PRPH2: variants seen among roughly 807,000 people sequenced by gnomAD.
The protein encoded by PRPH2 is peripherin 2, also known as peripherin-2.
A neutral mutation model predicts 31.3 loss-of-function variants in PRPH2; 17 were observed. That is an observed-to-expected ratio of 0.54 (90% CI 0.37 to 0.81). PRPH2 has a LOEUF of 0.81. Ranked by LOEUF, PRPH2 falls within the 40% of genes least tolerant of loss-of-function variation. PRPH2 has a pLI of 0.00. For missense variants in PRPH2, 430 were observed against 439.7 expected (o/e 0.98, Z 0.20); for synonymous variants, 165 against 184.4 (o/e 0.89, Z 0.85).
intron 1 of PRPH2, among the ~76,000 whole-genome samples, 160 bp from the exon 2 acceptor site, chr6:42,704,771 G>T (rs758099033): frequency 6.6e-6 from 1 of 152,198 alleles, no homozygotes; most frequent in Non-Finnish European, 1.5e-5. Context: ...TGTTCTAGGC[G>T]CTGAAGACAA....
chr6:42,711,254 A>T (rs1057032318), intron 1 of PRPH2, among the ~76,000 whole-genome samples: 2 of 152,162 alleles, frequency 1.3e-5, no homozygotes, highest in African/African-American at 4.8e-5. Context: ...GGGCCCCTCC[A>T]CCTTGGACTT....
In PRPH2 at chr6:42,722,466, G is replaced by A; in HGVS notation, c.-132C>T. 1 of 1,528,102 alleles carries A rather than the reference G, an allele frequency of 6.5e-7. No individual in the cohort carries two copies. Among genetic ancestry groups the A allele is most frequent in the South Asian group, 1.2e-5 (1 of 83,000 alleles). 94.7% of individuals were successfully genotyped at this position (1,528,102 alleles called of 1,614,324 possible). A position where few individuals can be genotyped will look rare whatever the true frequency, so the allele number is the denominator to read the frequency against. On this transcript the variant is annotated 5_prime_UTR_variant, in exon 1 of 3. Coordinates refer to ENST00000230381, the MANE Select transcript of PRPH2 (RefSeq NM_000322.5). The surrounding 1 kb of genome is among the most constrained non-coding windows in gnomAD (Gnocchi z 4.4). ...CAAGCTGTAGGGAGCTGCCCTGGGG[G>A]CTACCCATGTCGAGTCCCACTAGCC... is the stretch of plus-strand genomic sequence containing the variant.
chr6:42,714,764 C>A (rs971795720), intron 1 of PRPH2, among the ~76,000 whole-genome samples: 1 of 152,114 alleles, frequency 6.6e-6, no homozygotes, highest in African/African-American at 2.4e-5. Context: ...GTGATCCATC[C>A]ACTTCAACCT....
chr6:42,709,315 G>A lies in PRPH2; in HGVS notation c.582-4704C>T, dbSNP rs112246402. Among the ~76,000 whole-genome samples the A allele has an allele frequency of 9.8e-3, 1,337 of 135,854 alleles. 19 individuals are homozygous for A. Among genetic ancestry groups the A allele is most frequent in the African/African-American group, 0.037 (1,269 of 34,552 alleles). 89.1% of individuals were successfully genotyped at this position (135,854 alleles called of 152,430 possible). ...ATTGCACTCCAGCCTGGGCAACAGA[G>A]TGAGACTCTGTCTCAAATTAAAAAA... On this transcript the variant is annotated intron_variant, in intron 1 of 2. Coordinates refer to ENST00000230381, the MANE Select transcript of PRPH2 (RefSeq NM_000322.5).
At chr6:42,711,725 T>C (rs1394554141) in intron 1 of PRPH2, 1 of 977,720 alleles carries the variant, frequency 1.0e-6, no homozygotes, top group Non-Finnish European at 1.2e-6. Context: ...CCTTGAGATG[T>C]CTACGAATTG....
At chr6:42,720,231 C>T (rs139893116) in intron 1 of PRPH2, among the ~76,000 whole-genome samples, 89 of 152,126 alleles carry the variant, frequency 5.9e-4, no homozygotes, top group Admixed American at 1.6e-3. Context: ...TTGGAGTTAC[C>T]GAGAGATTTG....
At chr6:42,712,620 T>C (rs1761688865) in intron 1 of PRPH2, among the ~76,000 whole-genome samples, 1 of 152,092 alleles carries the variant, frequency 6.6e-6, no homozygotes, top group African/African-American at 2.4e-5. Flanking sequence ...TTTCACCATG[T>C]TGGCCAGGCT....
intron 2 of PRPH2, among the ~76,000 whole-genome samples, chr6:42,702,349 C>T (rs1489745490): frequency 1.3e-5 from 2 of 151,832 alleles, no homozygotes; most frequent in Non-Finnish European, 2.9e-5. Flanking sequence ...TGGCTGATAG[C>T]ATTAGGACAG....
At chr6:42,711,827 T>G (rs1761648411) in intron 1 of PRPH2, 1 of 985,414 alleles carries the variant, frequency 1.0e-6, no homozygotes, top group Non-Finnish European at 1.2e-6. Flanking sequence ...TCCCTCAGAC[T>G]GGGGACCCCA....
intron 2 of PRPH2, among the ~76,000 whole-genome samples, chr6:42,700,893 T>C (rs393034): frequency 0.76 from 115,860 of 152,098 alleles, 44,305 homozygotes; most frequent in East Asian, 0.86. Context: ...ATAAGCTGAT[T>C]CTTGTCTAAT....
intron 1 of PRPH2, among the ~76,000 whole-genome samples, chr6:42,712,175 C>T (rs965060683): frequency 6.6e-5 from 10 of 152,206 alleles, no homozygotes; most frequent in African/African-American, 1.7e-4. Context: ...CTGCAGGACA[C>T]GTGGCCCAGT....
At chr6:42,707,210 C>G (rs574444631) in intron 1 of PRPH2, among the ~76,000 whole-genome samples, 304 of 152,168 alleles carry the variant, frequency 2.0e-3, no homozygotes, top group African/African-American at 7.1e-3. Flanking sequence ...GAGATATTTT[C>G]GTATCTGTCT....
intron 1 of PRPH2, 89 bp downstream of exon 1, chr6:42,721,664 TG>T: frequency 1.4e-6 from 2 of 1,466,000 alleles, no homozygotes; most frequent in African/African-American, 1.4e-5. Context: ...GAAAAGGCAC[TG>T]GGTGCGGGGA....
chr6:42,701,058 C>A (rs1800037147), intron 2 of PRPH2, among the ~76,000 whole-genome samples: 1 of 151,590 alleles, frequency 6.6e-6, no homozygotes, highest in Non-Finnish European at 1.5e-5. Context: ...CTTACAGCAG[C>A]CTTGACCTCC....
intron 2 of PRPH2, 35 bp downstream of exon 2, chr6:42,704,330 C>G (rs761440220): frequency 6.3e-7 from 1 of 1,597,100 alleles, no homozygotes. Flanking sequence ...CGGAGGCTCT[C>G]CTTACCCTCT....
intron 1 of PRPH2, among the ~76,000 whole-genome samples, chr6:42,710,333 G>T (rs1166161058): frequency 6.6e-6 from 1 of 152,232 alleles, no homozygotes; most frequent in Non-Finnish European, 1.5e-5. Flanking sequence ...GAACTTCCCA[G>T]TGTATTCCCA....
chr6:42,705,599 A>AAAAATATATAT (rs1562424252), intron 1 of PRPH2, among the ~76,000 whole-genome samples: 1 of 21,566 alleles, frequency 4.6e-5, no homozygotes, highest in African/African-American at 1.8e-4. Flanking sequence ...AAAAAAAAAA[A>AAAAATATATAT]ATATATATAT....
intron 1 of PRPH2, among the ~76,000 whole-genome samples, chr6:42,705,574 TA>T (rs1186158334): frequency 4.5e-4 from 10 of 22,264 alleles, no homozygotes; most frequent in South Asian, 1.9e-3. Flanking sequence ...AGACTTTCTC[TA>T]AAAAAAAAAA....
chr6:42,713,575 A>G lies in PRPH2; in HGVS notation c.581+8179T>C, dbSNP rs139580616. Reference sequence around the variant, plus strand: ...CATCCATGTTTTCCAACCCTGCATCATCTCTGCCCACCCCTTTCCCTGTCC... The same window carrying G: ...CATCCATGTTTTCCAACCCTGCATCGTCTCTGCCCACCCCTTTCCCTGTCC... On this transcript the variant is annotated intron_variant, in intron 1 of 2. Transcript: ENST00000230381. 8.8e-4 allele frequency among the ~76,000 whole-genome samples: 134 copies of G among 152,204 alleles called. 1 individual carries two copies. The East Asian group carries it at 0.025, about 28-fold the overall frequency.
Sources: allele counts gnomAD v4.1 joint callset (sites outside exome capture counted in the v4.1 genomes callset), GRCh38; gene constraint gnomAD v4.1.1; non-coding constraint Gnocchi (gnomAD v3.1); transcripts MANE v1.5; gene names NCBI Gene and HGNC (gene_info 2026-07-23, HGNC 2026-07-21).